ACOT12: variants seen among roughly 807,000 people sequenced by gnomAD.
ACOT12 encodes acetyl-coenzyme A thioesterase.
In ACOT12, 51 loss-of-function variants were observed where a neutral mutation model predicts 67.7. The ratio of observed to expected loss-of-function variants is 0.75; its 90% CI spans 0.60 to 0.95. The LOEUF (loss-of-function observed/expected upper bound fraction) is 0.95, where lower values mean the gene tolerates loss of function less well. ACOT12 is among the 40% of genes least tolerant of loss of function. The pLI is 0.00. For missense variants in ACOT12, 734 were observed against 708.1 expected (o/e 1.04, Z -0.41); for synonymous variants, 251 against 244.6 (o/e 1.03, Z -0.24).
At chr5:81,359,325 C>G (rs74316052) in intron 5 of ACOT12, among the ~76,000 whole-genome samples, 2 of 152,156 alleles carry the variant, frequency 1.3e-5, no homozygotes, top group African/African-American at 2.4e-5. Flanking sequence ...CTTTCCCTAC[C>G]AGTCTGGCTC....
At chr5:81,393,702 TCAA>T (rs138832942) in intron 1 of ACOT12, among the ~76,000 whole-genome samples, 34 of 150,556 alleles carry the variant, frequency 2.3e-4, no homozygotes, top group Middle Eastern at 3.4e-3. Context: ...GGGAGAGAGC[TCAA>T]CAACAACAAC....
chr5:81,328,726 A>G (rs189181598), downstream of ACOT12, among the ~76,000 whole-genome samples: 75 of 152,328 alleles, frequency 4.9e-4, 1 homozygote, highest in African/African-American at 1.8e-3. Context: ...TAAAAGTGAA[A>G]TATATTTAAA....
At chr5:81,366,573 C>T (rs909361430) in intron 3 of ACOT12, among the ~76,000 whole-genome samples, 1 of 151,896 alleles carries the variant, frequency 6.6e-6, no homozygotes, top group Non-Finnish European at 1.5e-5. Context: ...ATAGCAAACA[C>T]AGACAAAACA....
chr5:81,336,381 A>C (rs1274948418), intron 11 of ACOT12, among the ~76,000 whole-genome samples: 1 of 152,192 alleles, frequency 6.6e-6, no homozygotes, highest in Non-Finnish European at 1.5e-5. Flanking sequence ...AACTGAATCA[A>C]CCACTTCTAG....
intron 4 of ACOT12, 129 bp downstream of exon 4, chr5:81,363,659 G>T: frequency 1.7e-6 from 1 of 584,808 alleles, no homozygotes; most frequent in Non-Finnish European, 2.8e-6. Flanking sequence ...AAATATTGGT[G>T]AATAACAAAT....
chr5:81,344,854 A>G (rs542798561), intron 8 of ACOT12, 37 bp downstream of exon 8: 31 of 1,610,878 alleles, frequency 1.9e-5, no homozygotes, highest in Middle Eastern at 3.3e-4. Context: ...CTCTATTCAC[A>G]GGTCCGGCTA....
At chr5:81,349,319 C>T (rs78267906) in intron 5 of ACOT12, among the ~76,000 whole-genome samples, 3,470 of 152,266 alleles carry the variant, frequency 0.023, 51 homozygotes, top group African/African-American at 0.031. Flanking sequence ...CCATTGTTCT[C>T]GTATAAAACC....
At chr5:81,366,742 A>G (rs539242617) in intron 3 of ACOT12, among the ~76,000 whole-genome samples, 1 of 152,332 alleles carries the variant, frequency 6.6e-6, no homozygotes, top group South Asian at 2.1e-4. Context: ...AAAAAATACA[A>G]CATCTGAAAT....
chr5:81,339,412 T>C (rs967165071), intron 11 of ACOT12, among the ~76,000 whole-genome samples: 9 of 152,198 alleles, frequency 5.9e-5, no homozygotes, highest in African/African-American at 2.2e-4. Context: ...ATTTTCCCAG[T>C]ACATCCCCAG....
At chr5:81,372,896 A>G (rs1486548888) in intron 2 of ACOT12, among the ~76,000 whole-genome samples, 1 of 152,216 alleles carries the variant, frequency 6.6e-6, no homozygotes, top group South Asian at 2.1e-4. Context: ...GGATGCTGGG[A>G]TGTAAATAGA....
chr5:81,376,785 C>T (rs376358415), intron 2 of ACOT12, among the ~76,000 whole-genome samples: 2 of 152,224 alleles, frequency 1.3e-5, no homozygotes, highest in East Asian at 1.9e-4. Flanking sequence ...CAAGACTAAA[C>T]TAGGAAGAAG....
intron 2 of ACOT12, among the ~76,000 whole-genome samples, chr5:81,372,678 T>A (rs1315935759): frequency 6.6e-6 from 1 of 152,214 alleles, no homozygotes; most frequent in East Asian, 1.9e-4. Context: ...AAAATTTTTC[T>A]CTCAAACCTA....
the ACOT12 span, chr5:81,311,189 A>C: frequency 6.2e-7 from 1 of 1,613,900 alleles, no homozygotes; most frequent in South Asian, 1.1e-5. Flanking sequence ...GATGGTATTC[A>C]GTGGCTTTGC....
chr5:81,379,613 G>A (rs1490934295), intron 2 of ACOT12, among the ~76,000 whole-genome samples: 4 of 152,124 alleles, frequency 2.6e-5, no homozygotes, highest in Admixed American at 2.6e-4. Flanking sequence ...GCCTTAGAAG[G>A]TGACATAGTG....
At chr5:81,333,299 T>C (rs925843756) in intron 12 of ACOT12, among the ~76,000 whole-genome samples, 34 of 152,200 alleles carry the variant, frequency 2.2e-4, no homozygotes, top group Non-Finnish European at 4.4e-4. Context: ...ATTGTTTATA[T>C]AGATAAAGAA....
chr5:81,308,718 G>A, the ACOT12 span: 3 of 1,596,438 alleles, frequency 1.9e-6, no homozygotes, highest in Non-Finnish European at 2.6e-6. Flanking sequence ...CTTGGTATGT[G>A]TTTCTTTCAG....
intron 2 of ACOT12, among the ~76,000 whole-genome samples, chr5:81,374,056 G>A (rs1265882669): frequency 1.3e-5 from 2 of 152,200 alleles, no homozygotes; most frequent in South Asian, 2.1e-4. Context: ...ACACCTCCCA[G>A]TAGGGGCCGA....
chr5:81,312,473 CCAATAA>C, the ACOT12 span: 16 of 1,239,588 alleles, frequency 1.3e-5, no homozygotes, highest in Non-Finnish European at 1.9e-5. Flanking sequence ...CTTTCCCAAA[CCAATAA>C]CAATCTGAGT....
chr5:81,327,704 G>T (rs1480369888), downstream of ACOT12, among the ~76,000 whole-genome samples: 1 of 152,236 alleles, frequency 6.6e-6, no homozygotes, highest in African/African-American at 2.4e-5. Context: ...GCCTCCCAAA[G>T]TGCTGGGATT....
Sources: allele counts gnomAD v4.1 joint callset (sites outside exome capture counted in the v4.1 genomes callset), GRCh38; gene constraint gnomAD v4.1.1; transcripts MANE v1.5; gene names NCBI Gene and HGNC (gene_info 2026-07-23, HGNC 2026-07-21).